Variants in SLIT2 observed in about 807,000 individuals in gnomAD.
SLIT2 encodes the protein slit homolog 2 protein.
A neutral mutation model predicts 185.7 loss-of-function variants in SLIT2; 41 were observed. That is an observed-to-expected ratio of 0.22 (90% CI 0.17 to 0.29). SLIT2 has a LOEUF of 0.29. Ranked by LOEUF, SLIT2 falls within the 10% of genes least tolerant of loss-of-function variation. The pLI is 1.00. For synonymous variants in SLIT2, 693 were observed against 680.2 expected (o/e 1.02, Z -0.29); for missense variants, 1,571 against 1,909.0 (o/e 0.82, Z 3.30).
chr4:20,270,456 G>C (rs142583415), intron 4 of SLIT2, among the ~76,000 whole-genome samples: 2 of 152,010 alleles, frequency 1.3e-5, no homozygotes, highest in Non-Finnish European at 2.9e-5. Flanking sequence ...TTTTATAACT[G>C]TATGCAGCTG....
chr4:20,602,808 G>A (rs780959835), intron 33 of SLIT2, among the ~76,000 whole-genome samples: 14 of 151,832 alleles, frequency 9.2e-5, no homozygotes, highest in Middle Eastern at 6.8e-3. Flanking sequence ...GGGAATATTC[G>A]CACCACAAAA....
intron 6 of SLIT2, among the ~76,000 whole-genome samples, chr4:20,483,152 A>AT (rs1716881604): frequency 1.3e-5 from 2 of 152,002 alleles, no homozygotes; most frequent in South Asian, 4.1e-4. Flanking sequence ...AGGGTTTTAG[A>AT]TTTTTTAAAA....
At chr4:20,327,652 C>T (rs1382397163) in intron 4 of SLIT2, among the ~76,000 whole-genome samples, 1 of 151,848 alleles carries the variant, frequency 6.6e-6, no homozygotes, top group Non-Finnish European at 1.5e-5. Flanking sequence ...AGAATTATTT[C>T]TTATGTGAAG....
intron 33 of SLIT2, among the ~76,000 whole-genome samples, chr4:20,602,700 A>C (rs1318157380): frequency 1.3e-5 from 2 of 152,212 alleles, no homozygotes; most frequent in Non-Finnish European, 2.9e-5. Context: ...CCCTTGCGTA[A>C]AAGGAATATG....
chr4:20,366,709 T>C (rs1262145244), intron 4 of SLIT2, among the ~76,000 whole-genome samples: 3 of 152,180 alleles, frequency 2.0e-5, no homozygotes, highest in Non-Finnish European at 4.4e-5. Flanking sequence ...TGAGTTGACC[T>C]ATAAGCAAAA....
intron 4 of SLIT2, among the ~76,000 whole-genome samples, chr4:20,409,488 C>T (rs1414366676): frequency 2.6e-5 from 4 of 152,122 alleles, no homozygotes; most frequent in Admixed American, 6.5e-5. Context: ...GCATTTAGGT[C>T]GATTCCATGT....
At chr4:20,471,619 A>G (rs1715028497) in intron 5 of SLIT2, among the ~76,000 whole-genome samples, 1 of 152,216 alleles carries the variant, frequency 6.6e-6, no homozygotes, top group African/African-American at 2.4e-5. Context: ...ATGCACTGTA[A>G]CAGGTTTATG....
chr4:20,358,367 G>T (rs901600511), intron 4 of SLIT2, among the ~76,000 whole-genome samples: 14 of 152,094 alleles, frequency 9.2e-5, no homozygotes, highest in Non-Finnish European at 2.1e-4. Context: ...TATTTTTAAC[G>T]CAAACTAATT....
chr4:20,565,449 G>A (rs1387696754), intron 26 of SLIT2, among the ~76,000 whole-genome samples: 1 of 151,910 alleles, frequency 6.6e-6, no homozygotes, highest in Non-Finnish European at 1.5e-5. Flanking sequence ...ACCATTTATT[G>A]TTAGGTATTA....
intron 29 of SLIT2, among the ~76,000 whole-genome samples, chr4:20,575,546 C>T (rs1726016556): frequency 6.6e-6 from 1 of 152,162 alleles, no homozygotes; most frequent in Non-Finnish European, 1.5e-5. Context: ...ACCCATGTCT[C>T]ATTGGCCCCA....
chr4:20,442,286 G>A (rs951784444), intron 4 of SLIT2, among the ~76,000 whole-genome samples: 25 of 152,244 alleles, frequency 1.6e-4, no homozygotes, highest in Middle Eastern at 3.4e-3. Context: ...TTGGAAGGCC[G>A]AGGCGGGCGG....
At chr4:20,525,298 T>C (rs1341126509) in intron 15 of SLIT2, 126 bp downstream of exon 15, 6 of 678,920 alleles carry the variant, frequency 8.8e-6, no homozygotes, top group Non-Finnish European at 1.6e-5. Context: ...GATTGACTTA[T>C]GCATATATCA....
chr4:20,474,942 A>G (rs528777799), intron 5 of SLIT2, among the ~76,000 whole-genome samples: 1 of 152,052 alleles, frequency 6.6e-6, no homozygotes, highest in East Asian at 1.9e-4. Context: ...TAGTGTCTAT[A>G]GTATACTAGA....
At chr4:20,305,907 A>G (rs1717499354) in intron 4 of SLIT2, among the ~76,000 whole-genome samples, 1 of 147,916 alleles carries the variant, frequency 6.8e-6, no homozygotes, top group African/African-American at 2.5e-5. Flanking sequence ...AATAATAATA[A>G]TAATAATAAT....
At chr4:20,457,503 A>G (rs1013782565) in intron 4 of SLIT2, among the ~76,000 whole-genome samples, 2 of 152,052 alleles carry the variant, frequency 1.3e-5, no homozygotes, top group Non-Finnish European at 2.9e-5. Flanking sequence ...TACTAAAGAT[A>G]TTATATATAT....
chr4:20,542,428 TA>T, intron 20 of SLIT2, 65 bp from the exon 21 acceptor site: 1 of 1,512,282 alleles, frequency 6.6e-7, no homozygotes, highest in Non-Finnish European at 9.1e-7. Flanking sequence ...TTTAAAGGCA[TA>T]AAATCCCTTC....
intron 4 of SLIT2, among the ~76,000 whole-genome samples, chr4:20,370,454 C>T (rs1577517831): frequency 6.6e-6 from 1 of 152,174 alleles, no homozygotes; most frequent in East Asian, 1.9e-4. Context: ...CTCTTCTATG[C>T]ACTCATGATG....
chr4:20,502,285 C>A (rs1043902572), intron 9 of SLIT2, among the ~76,000 whole-genome samples: 5 of 152,160 alleles, frequency 3.3e-5, no homozygotes, highest in Non-Finnish European at 7.4e-5. Context: ...GAAACTCCAA[C>A]TGGTTTCTCT....
intron 26 of SLIT2, among the ~76,000 whole-genome samples, chr4:20,560,703 T>C (rs2148904218): frequency 6.6e-6 from 1 of 152,072 alleles, no homozygotes; most frequent in African/African-American, 2.4e-5. Flanking sequence ...TATTTTTTTA[T>C]TTGAAAGACA....
Sources: allele counts gnomAD v4.1 joint callset (sites outside exome capture counted in the v4.1 genomes callset), GRCh38; gene constraint gnomAD v4.1.1; transcripts MANE v1.5; gene names NCBI Gene and HGNC (gene_info 2026-07-23, HGNC 2026-07-21).